The following C9orf85 variants were observed in gnomAD, a reference collection of about 807,000 sequenced individuals.
C9orf85 encodes the protein uncharacterized protein C9orf85.
A neutral mutation model predicts 14.9 loss-of-function variants in C9orf85; 16 were observed. That is an observed-to-expected ratio of 1.08 (90% CI 0.73 to 1.63). The LOEUF is 1.63. C9orf85 is among the 40% of genes most tolerant of loss of function. C9orf85 has a pLI of 0.00. For missense variants in C9orf85, 172 were observed against 186.1 expected (o/e 0.92, Z 0.44); for synonymous variants, 45 against 56.8 (o/e 0.79, Z 0.93).
chr9:71,947,103 CT>C lies in C9orf85; in HGVS notation c.201del (p.Lys69SerfsTer10). The C allele has an allele frequency of 6.2e-7, 1 of 1,609,044 alleles. No homozygotes were observed. Among genetic ancestry groups the C allele is most frequent in the Non-Finnish European group, 8.5e-7 (1 of 1,176,268 alleles). On this transcript the variant is annotated frameshift_variant, in exon 2 of 4. Transcript: ENST00000334731. LOFTEE classifies it high-confidence loss of function. Reference protein sequence around the residue: ...KYSKYKPLSKPKKCVKCLQKT... With the variant: ...KYSKYKPLSKXKKCVKCLQKT... ...AGCAAATACAAACCATTATCAAAAC[CT>C]AAAAAGTGGTGAGTTAAGATTCTTC...
At chr9:71,963,700 G>GT (rs1822595782) in intron 2 of C9orf85, among the ~76,000 whole-genome samples, 2 of 152,228 alleles carry the variant, frequency 1.3e-5, no homozygotes, top group South Asian at 4.1e-4. Context: ...GCTGCAGAGG[G>GT]TGTACTGGGT....
At chr9:71,951,584 T>TG (rs1216245621) in intron 2 of C9orf85, among the ~76,000 whole-genome samples, 1 of 152,186 alleles carries the variant, frequency 6.6e-6, no homozygotes, top group African/African-American at 2.4e-5. Flanking sequence ...GTATCTCCCT[T>TG]GACACAGGAT....
At chr9:71,939,079 AAT>A (rs1349402557) in intron 1 of C9orf85, among the ~76,000 whole-genome samples, 2 of 17,166 alleles carry the variant, frequency 1.2e-4, no homozygotes, top group Non-Finnish European at 2.6e-3. Context: ...ATTTTTATAA[AAT>A]TTCTATATTT....
intron 2 of C9orf85, among the ~76,000 whole-genome samples, chr9:71,959,995 CA>C (rs2132334190): frequency 6.6e-6 from 1 of 152,272 alleles, no homozygotes; most frequent in African/African-American, 2.4e-5. Flanking sequence ...CTGTGACGCC[CA>C]GGAATTTACC....
chr9:71,924,090 T>C (rs1827876887), intron 1 of C9orf85, among the ~76,000 whole-genome samples: 1 of 152,240 alleles, frequency 6.6e-6, no homozygotes, highest in Non-Finnish European at 1.5e-5. Context: ...CAACTTCAGA[T>C]AATCCTTCTT....
At chr9:71,931,248 CT>C (rs1325282724) in intron 1 of C9orf85, among the ~76,000 whole-genome samples, 2 of 152,152 alleles carry the variant, frequency 1.3e-5, no homozygotes, top group Non-Finnish European at 2.9e-5. Flanking sequence ...AATGATAGCT[CT>C]TCTGGATTCC....
At chr9:71,967,713 C>CTTTTTTTTTTTT (rs55750667) in intron 2 of C9orf85, among the ~76,000 whole-genome samples, 2 of 94,084 alleles carry the variant, frequency 2.1e-5, no homozygotes, top group Non-Finnish European at 4.0e-5. Context: ...TATGACCTTT[C>CTTTTTTTTTTTT]TTTTTTTTTT....
rs199551176 is a variant in C9orf85, at chr9:71,971,936, T to TG, written c.323+319dup. ...TTGCAGTAAGCTGAGATGGTGCCAC[T>TG]GCACTCCAGCCTGGGTAACATATAG... On this transcript the variant is annotated intron_variant, in intron 3 of 3. Coordinates refer to ENST00000334731, the MANE Select transcript of C9orf85 (RefSeq NM_182505.5). 7.8e-3 allele frequency among the ~76,000 whole-genome samples: 1,095 copies of TG among 140,200 alleles called. 15 individuals are homozygous for TG. Among genetic ancestry groups the TG allele is most frequent in the African/African-American group, 0.028 (1,027 of 37,060 alleles). The allele number at this position is 140,200 out of a possible 152,430, so 92.0% of individuals were successfully genotyped here.
In C9orf85 at chr9:71,948,225, TCTTC is replaced by T. The variant is rs148672931; in HGVS notation, c.209+1117_209+1120del. Among the ~76,000 whole-genome samples, 1,239 of 152,302 alleles carry T rather than the reference TCTTC, an allele frequency of 8.1e-3. 12 individuals are homozygous for T. Among genetic ancestry groups the T allele is most frequent in the African/African-American group, 0.027 (1,108 of 41,590 alleles). ...TTTCATCATCTTTGAATGCATTCCTTCTTCCTTTATGGGAAAAAATTTTGCTTAC... is the reference window on the plus strand; with the variant it reads ...TTTCATCATCTTTGAATGCATTCCTTCTTTATGGGAAAAAATTTTGCTTAC... On this transcript the variant is annotated intron_variant, in intron 2 of 3. Coordinates refer to ENST00000334731, the MANE Select transcript of C9orf85 (RefSeq NM_182505.5).
chr9:71,978,126 T>G (rs1479742379), downstream of C9orf85, among the ~76,000 whole-genome samples: 1 of 152,246 alleles, frequency 6.6e-6, no homozygotes, highest in Non-Finnish European at 1.5e-5. Context: ...TTTTAATTTT[T>G]TGAGACGGAG....
chr9:71,922,719 T>G (rs1195502773), intron 1 of C9orf85, among the ~76,000 whole-genome samples: 1 of 152,258 alleles, frequency 6.6e-6, no homozygotes, highest in African/African-American at 2.4e-5. Context: ...TAGTAATTGC[T>G]ACATACACAT....
chr9:71,980,438 G>A (rs1026092100), intron 3 of C9orf85, among the ~76,000 whole-genome samples: 2 of 152,114 alleles, frequency 1.3e-5, no homozygotes, highest in South Asian at 2.1e-4. Flanking sequence ...GGAAATTGCC[G>A]TGACCAGCTG....
chr9:71,937,316 T>C (rs1010569967), intron 1 of C9orf85, among the ~76,000 whole-genome samples: 1 of 152,216 alleles, frequency 6.6e-6, no homozygotes, highest in Non-Finnish European at 1.5e-5. Context: ...AGTGAAAATC[T>C]CGGTAGTTTG....
At chr9:71,963,746 A>C (rs145008498) in intron 2 of C9orf85, among the ~76,000 whole-genome samples, 2 of 152,190 alleles carry the variant, frequency 1.3e-5, no homozygotes, top group Admixed American at 1.3e-4. Flanking sequence ...GCTGCGCTTG[A>C]TTTCTCCCCG....
At position 71,933,495 on chromosome 9, in the gene C9orf85, T is replaced by G. The variant is rs1320774165; in HGVS notation, c.103-13511T>G. Among the ~76,000 whole-genome samples, 10 of 152,306 alleles carry G rather than the reference T, an allele frequency of 6.6e-5. No homozygotes were observed. In the East Asian group the frequency reaches 1.5e-3, roughly 24 times the overall value. On this transcript the variant is annotated intron_variant, in intron 1 of 3. Coordinates refer to ENST00000334731, the MANE Select transcript of C9orf85 (RefSeq NM_182505.5). ...AGATCTTAGCAATCTCAATGCACAATTTGTTTTTTCTAAGTTGAGAACTTT... is the reference window on the plus strand; with the variant it reads ...AGATCTTAGCAATCTCAATGCACAAGTTGTTTTTTCTAAGTTGAGAACTTT...
intron 2 of C9orf85, among the ~76,000 whole-genome samples, chr9:71,948,660 T>C (rs566128303): frequency 6.6e-6 from 1 of 152,310 alleles, no homozygotes; most frequent in African/African-American, 2.4e-5. Flanking sequence ...TAGCTGGGAC[T>C]ACAGGTACAT....
At position 71,935,057 on chromosome 9, in the gene C9orf85, G is replaced by T. The variant is rs192708336; in HGVS notation, c.103-11949G>T. On this transcript the variant is annotated intron_variant, in intron 1 of 3. Coordinates refer to ENST00000334731, the MANE Select transcript of C9orf85 (RefSeq NM_182505.5). ...GGGGAACTACAGATGAAAACTACAA[G>T]ATACCACCTCATACTCATTCGGATG... Among the ~76,000 whole-genome samples, 412 of 152,188 alleles carry T rather than the reference G, an allele frequency of 2.7e-3. 1 individual carries two copies. The highest frequency in any genetic ancestry group is 5.0e-3 in the Non-Finnish European group (339 of 67,996).
chr9:71,932,611 A>G (rs1828096831), intron 1 of C9orf85, among the ~76,000 whole-genome samples: 1 of 152,200 alleles, frequency 6.6e-6, no homozygotes. Flanking sequence ...ACAATCTACG[A>G]TAATAAAAAA....
intron 3 of C9orf85, among the ~76,000 whole-genome samples, chr9:71,981,481 G>C (rs1433402072): frequency 6.6e-6 from 1 of 152,182 alleles, no homozygotes; most frequent in South Asian, 2.1e-4. Flanking sequence ...CTGCATTAAG[G>C]AGTTGGAAGC....
Sources: gnomAD v4.1 joint callset for allele counts (sites outside exome capture counted in the v4.1 genomes callset) on GRCh38, gnomAD v4.1.1 for gene constraint, MANE v1.5 for transcripts, NCBI Gene and HGNC (gene_info 2026-07-23, HGNC 2026-07-21) for gene names.